Variants in NRXN1 observed in about 807,000 individuals in gnomAD.
The protein encoded by NRXN1 is neurexin-1.
Under a neutral mutation model 150.9 loss-of-function variants are expected in NRXN1, and 39 were observed. The observed-to-expected ratio is 0.26, with a 90% CI of 0.20 to 0.34. The LOEUF is 0.34. Among genes scored for constraint, NRXN1 ranks in the 10% least tolerant of loss-of-function variants. NRXN1 has a pLI of 1.00. For synonymous variants in NRXN1, 924 were observed against 757.0 expected (o/e 1.22, Z -3.62); for missense variants, 1,815 against 1,949.9 (o/e 0.93, Z 1.30).
intron 8 of NRXN1, among the ~76,000 whole-genome samples, chr2:50,563,403 C>CA (rs1669401339): frequency 6.6e-6 from 1 of 152,160 alleles, no homozygotes; most frequent in Non-Finnish European, 1.5e-5. Flanking sequence ...AGGAAGAAAA[C>CA]AACAACAGTG....
intron 2 of NRXN1, among the ~76,000 whole-genome samples, chr2:51,022,031 C>T (rs567574886): frequency 6.6e-6 from 1 of 152,068 alleles, no homozygotes; most frequent in East Asian, 1.9e-4. Context: ...AACAGAGGCT[C>T]GTTGTCTTTA....
At chr2:50,321,638 T>G (rs1378266525) in intron 17 of NRXN1, among the ~76,000 whole-genome samples, 1 of 152,140 alleles carries the variant, frequency 6.6e-6, no homozygotes, top group South Asian at 2.1e-4. Context: ...TTTTAAAAGA[T>G]AGCAAATGAG....
chr2:50,037,477 C>G (rs1403454770), intron 21 of NRXN1, among the ~76,000 whole-genome samples: 1 of 152,052 alleles, frequency 6.6e-6, no homozygotes. Context: ...TAAAATTATA[C>G]CTGGTTTTTC....
intron 21 of NRXN1, among the ~76,000 whole-genome samples, chr2:50,044,009 C>G (rs1237314560): frequency 1.3e-5 from 2 of 151,992 alleles, no homozygotes; most frequent in African/African-American, 4.8e-5. Context: ...AAGGCAATAG[C>G]ACAGTGGGGA....
intron 21 of NRXN1, among the ~76,000 whole-genome samples, chr2:49,992,563 A>C (rs1682186834): frequency 6.6e-6 from 1 of 152,090 alleles, no homozygotes; most frequent in South Asian, 2.1e-4. Context: ...ACTCTGTCTC[A>C]AAAAACAAAA....
Position 49,943,805 on chromosome 2 carries a change from A to G in NRXN1, c.4129-14T>C, listed in dbSNP as rs201822960. ...GTCATCTGTGGTCTGCAAAAGAATC[A>G]CATTCAGTAGATTAATTTAAAGGGT... On this transcript the variant is annotated splice_polypyrimidine_tract_variant and intron_variant, in intron 21 of 22. Transcript: ENST00000401669. The G allele has an allele frequency of 6.3e-7, 1 of 1,584,020 alleles. No homozygotes were observed.
intron 20 of NRXN1, 38 bp from the exon 21 acceptor site, chr2:50,053,628 T>C (rs371371533): frequency 1.3e-6 from 2 of 1,593,812 alleles, no homozygotes; most frequent in Non-Finnish European, 1.7e-6. Flanking sequence ...AAAATGTTGA[T>C]TGTGAACTCT....
intron 17 of NRXN1, among the ~76,000 whole-genome samples, chr2:50,324,159 G>A (rs944699771): frequency 6.6e-6 from 1 of 152,202 alleles, no homozygotes; most frequent in Non-Finnish European, 1.5e-5. Context: ...AAGGAGACTA[G>A]AGGCAGAAGG....
chr2:50,288,823 A>T (rs1356887), intron 17 of NRXN1, among the ~76,000 whole-genome samples: 1 of 152,094 alleles, frequency 6.6e-6, no homozygotes, highest in African/African-American at 2.4e-5. Flanking sequence ...GGTGGGGACA[A>T]AGCCAAACCA....
At chr2:50,199,161 A>T (rs890565578) in intron 18 of NRXN1, 2 of 152,156 alleles carry the variant, frequency 1.3e-5, no homozygotes, top group Admixed American at 1.3e-4. Flanking sequence ...ATTTTATTTC[A>T]CGTTAGCTGG....
chr2:50,484,785 A>G (rs972886642), intron 15 of NRXN1, among the ~76,000 whole-genome samples: 2 of 152,236 alleles, frequency 1.3e-5, no homozygotes, highest in African/African-American at 4.8e-5. Flanking sequence ...AGTAAAGTGG[A>G]AATATCCAGT....
chr2:50,244,130 T>G (rs531540382), intron 17 of NRXN1, among the ~76,000 whole-genome samples: 1 of 151,970 alleles, frequency 6.6e-6, no homozygotes, highest in Non-Finnish European at 1.5e-5. Context: ...GAATTATATA[T>G]TCATAAATAC....
chr2:50,067,588 T>G (rs536175805), intron 19 of NRXN1, among the ~76,000 whole-genome samples: 1 of 152,240 alleles, frequency 6.6e-6, no homozygotes, highest in East Asian at 1.9e-4. Context: ...TCTGATAAAT[T>G]AAAGGTCATA....
chr2:50,636,135 C>G (rs13391995), intron 5 of NRXN1, among the ~76,000 whole-genome samples: 13 of 151,856 alleles, frequency 8.6e-5, no homozygotes, highest in Non-Finnish European at 1.6e-4. Flanking sequence ...TACATAAGAA[C>G]GAGATTGAAG....
chr2:50,329,674 T>TATATA (rs1491185055), intron 17 of NRXN1, among the ~76,000 whole-genome samples: 2 of 11,396 alleles, frequency 1.8e-4, no homozygotes, highest in Admixed American at 1.6e-3. Flanking sequence ...TATATATATA[T>TATATA]TTTTTTTTTT....
chr2:50,316,894 T>C (rs990333098), intron 17 of NRXN1, among the ~76,000 whole-genome samples: 5 of 152,020 alleles, frequency 3.3e-5, no homozygotes, highest in African/African-American at 1.2e-4. Context: ...GTATCTACTA[T>C]GAGATTTCTT....
intron 8 of NRXN1, among the ~76,000 whole-genome samples, chr2:50,559,251 C>A (rs1287064826): frequency 6.6e-6 from 1 of 152,168 alleles, no homozygotes; most frequent in Non-Finnish European, 1.5e-5. Context: ...AAAGTACAAG[C>A]GTCATCCAGT....
chr2:50,969,645 G>C (rs1189418593), intron 2 of NRXN1, among the ~76,000 whole-genome samples: 1 of 152,140 alleles, frequency 6.6e-6, no homozygotes, highest in South Asian at 2.1e-4. Flanking sequence ...AATAAAAAGA[G>C]TTTTAAAATC....
Position 50,642,617 on chromosome 2 carries a change from T to C in NRXN1, c.833-19002A>G, listed in dbSNP as rs184594850. ...ATTAGAATATCCATCTTAAAGTGAATGGTGAATTATTGATTGGCATGGATT... is the reference window on the plus strand; with the variant it reads ...ATTAGAATATCCATCTTAAAGTGAACGGTGAATTATTGATTGGCATGGATT... On this transcript the variant is annotated intron_variant, in intron 5 of 22. Transcript: ENST00000401669. Among the ~76,000 whole-genome samples, 17 of 152,182 alleles carry C rather than the reference T, an allele frequency of 1.1e-4. No individual in the cohort carries two copies. In the East Asian group the frequency reaches 2.9e-3, roughly 26 times the overall value.
Sources: gnomAD v4.1 joint callset for allele counts (sites outside exome capture counted in the v4.1 genomes callset) on GRCh38, gnomAD v4.1.1 for gene constraint, MANE v1.5 for transcripts, NCBI Gene and HGNC (gene_info 2026-07-23, HGNC 2026-07-21) for gene names.